HHAT: variants seen among roughly 807,000 people sequenced by gnomAD.
HHAT encodes hedgehog acyltransferase.
Under a neutral mutation model 70.8 loss-of-function variants are expected in HHAT, and 47 were observed. The observed-to-expected ratio is 0.66, with a 90% CI of 0.53 to 0.85. The LOEUF is 0.85. HHAT is among the 40% of genes least tolerant of loss of function. HHAT has a pLI of 0.00. For synonymous variants in HHAT, 228 were observed against 247.6 expected (o/e 0.92, Z 0.74); for missense variants, 609 against 604.8 (o/e 1.01, Z -0.07).
intron 7 of HHAT, among the ~76,000 whole-genome samples, chr1:210,451,447 C>CT (rs1036553294): frequency 6.6e-6 from 1 of 152,112 alleles, no homozygotes; most frequent in Non-Finnish European, 1.5e-5. Context: ...AGAAAGGTGA[C>CT]TTTTTTTCTT....
rs567259637 is a variant in HHAT at position 210,374,043 on chromosome 1, C to A, written c.159+11124C>A. On this transcript the variant is annotated intron_variant, in intron 3 of 11. Transcript: ENST00000261458. Reference sequence around the variant, plus strand: ...GACATGGAAAACAAGAGTTAACTGTCTTTGCAAGTTCTGTTACACAATGTT... The same window carrying A: ...GACATGGAAAACAAGAGTTAACTGTATTTGCAAGTTCTGTTACACAATGTT... 9.8e-5 allele frequency: 15 copies of A among 152,320 alleles called. No homozygotes were observed. In the East Asian group the frequency reaches 2.9e-3, roughly 29 times the overall value. 9.4% of individuals were successfully genotyped at this position (152,320 alleles called of 1,614,324 possible).
intron 9 of HHAT, among the ~76,000 whole-genome samples, chr1:210,527,006 C>G (rs528793460): frequency 6.6e-5 from 10 of 152,132 alleles, no homozygotes; most frequent in African/African-American, 1.7e-4. Flanking sequence ...TTAAATCCCT[C>G]GGAATTTCCT....
chr1:210,379,159 T>C (rs1041833667), intron 3 of HHAT, among the ~76,000 whole-genome samples: 7 of 152,228 alleles, frequency 4.6e-5, no homozygotes, highest in East Asian at 1.9e-4. Context: ...ATCTGACAGC[T>C]TCAGCATCTC....
intron 9 of HHAT, among the ~76,000 whole-genome samples, chr1:210,524,533 A>G (rs1179525850): frequency 3.3e-5 from 5 of 152,170 alleles, no homozygotes; most frequent in Non-Finnish European, 7.3e-5. Flanking sequence ...GCTGGCCAGT[A>G]GAGGAGCAAG....
chr1:210,538,586 A>G (rs1422323267), intron 9 of HHAT, among the ~76,000 whole-genome samples: 1 of 152,216 alleles, frequency 6.6e-6, no homozygotes, highest in Non-Finnish European at 1.5e-5. Context: ...GTGACACTTG[A>G]AAATACTCCT....
chr1:210,672,323 C>T (rs1680252785), intron 11 of HHAT, among the ~76,000 whole-genome samples: 1 of 152,202 alleles, frequency 6.6e-6, no homozygotes, highest in Admixed American at 6.5e-5. Context: ...GGGCTTCCCG[C>T]AGCCTCCTTC....
chr1:210,414,110 G>A (rs2092645832), intron 6 of HHAT, among the ~76,000 whole-genome samples: 1 of 152,232 alleles, frequency 6.6e-6, no homozygotes, highest in Non-Finnish European at 1.5e-5. Context: ...TCCATGATCA[G>A]TGAGTTGGCA....
At position 210,662,532 on chromosome 1, in the gene HHAT, A is replaced by G. The variant is rs550917386; in HGVS notation, c.1391-11756A>G. Among the ~76,000 whole-genome samples the G allele has an allele frequency of 8.5e-5, 13 of 152,338 alleles. No individual in the cohort carries two copies. The East Asian group carries it at 2.3e-3, about 27-fold the overall frequency. The stretch of plus-strand genomic sequence containing the variant: ...AAAACACAGGTTAAAGAAGAGAAAC[A>G]GCTGGGGAAGTGTGTTATGACTGTG... On this transcript the variant is annotated intron_variant, in intron 11 of 11. Transcript: ENST00000261458.
At chr1:210,552,124 C>G (rs2148685136) in intron 9 of HHAT, among the ~76,000 whole-genome samples, 1 of 152,228 alleles carries the variant, frequency 6.6e-6, no homozygotes, top group South Asian at 2.1e-4. Context: ...GGTGACAGCT[C>G]TAACATTTTG....
At chr1:210,420,677 A>T (rs1446586402) in intron 7 of HHAT, among the ~76,000 whole-genome samples, 2 of 73,892 alleles carry the variant, frequency 2.7e-5, no homozygotes, top group Non-Finnish European at 7.6e-5. Flanking sequence ...TAAAAAAACA[A>T]AAAAAAAAAC....
Position 210,674,374 on chromosome 1 carries a change from G to C in HHAT, c.1477G>C (p.Asp493His). The C allele has an allele frequency of 3.1e-6, 5 of 1,613,720 alleles. No homozygotes were observed. Among genetic ancestry groups the C allele is most frequent in the Non-Finnish European group, 4.2e-6 (5 of 1,179,666 alleles). ...GIAWAQTYATD is the reference protein window; with the variant it reads ...GIAWAQTYATH ...TGCCTGGGCCCAGACCTACGCCACGGACTAATGCTGTTGGGCCCAGGCCAG... is the reference window on the plus strand; with the variant it reads ...TGCCTGGGCCCAGACCTACGCCACGCACTAATGCTGTTGGGCCCAGGCCAG... Residue 493 changes from aspartate to histidine, a missense_variant, in exon 12 of 12, where the codon GAC becomes CAC. By Grantham distance (81) the Asp-to-His change is moderately conservative (BLOSUM62 -1). Transcript: ENST00000261458.
At chr1:210,627,072 A>G (rs1669966068) in intron 11 of HHAT, among the ~76,000 whole-genome samples, 1 of 152,160 alleles carries the variant, frequency 6.6e-6, no homozygotes, top group Non-Finnish European at 1.5e-5. Context: ...TTCCAGGTTT[A>G]AGGGAAAGGT....
chr1:210,666,070 C>T (rs1678820382), intron 11 of HHAT, among the ~76,000 whole-genome samples: 1 of 152,196 alleles, frequency 6.6e-6, no homozygotes, highest in Non-Finnish European at 1.5e-5. Context: ...TGCTGGCCAT[C>T]AGCCATTGTC....
chr1:210,397,861 T>C (rs898993204), intron 4 of HHAT, among the ~76,000 whole-genome samples: 7 of 152,340 alleles, frequency 4.6e-5, no homozygotes, highest in East Asian at 1.9e-4. Flanking sequence ...GATCTAGGTA[T>C]GTGCATGGGA....
rs959039342 is a variant in HHAT at position 210,635,582 on chromosome 1, G to A, written c.1390+11912G>A. The stretch of plus-strand genomic sequence containing the variant: ...CGCGCATCAAAGGACAGAAAAGATG[G>A]AAGAAGAAATCTTCAGAGTTCTCCC... On this transcript the variant is annotated intron_variant, in intron 11 of 11. Transcript: ENST00000261458. Among the ~76,000 whole-genome samples the A allele has an allele frequency of 1.6e-4, 24 of 152,188 alleles. 1 individual carries two copies. Among genetic ancestry groups the A allele is most frequent in the South Asian group, 2.1e-4 (1 of 4,830 alleles).
intron 9 of HHAT, among the ~76,000 whole-genome samples, chr1:210,537,811 G>A (rs965961120): frequency 2.6e-5 from 4 of 152,136 alleles, no homozygotes; most frequent in African/African-American, 9.7e-5. Context: ...AGGAGAAACA[G>A]AACAAAGTGA....
At chr1:210,448,004 G>T (rs922352979) in intron 7 of HHAT, among the ~76,000 whole-genome samples, 1 of 152,086 alleles carries the variant, frequency 6.6e-6, no homozygotes, top group Non-Finnish European at 1.5e-5. Context: ...CTCGATCAGG[G>T]ACTCCCACTC....
In HHAT at chr1:210,439,245, T is replaced by G. The variant is rs565342432; in HGVS notation, c.856+20920T>G. On this transcript the variant is annotated intron_variant, in intron 7 of 11. Coordinates refer to ENST00000261458, the MANE Select transcript of HHAT (RefSeq NM_018194.6). ...AATTCTCAGTGAAGGGAGTGTCTTC[T>G]GAGCTCTCTTGGGGGCATAATTAGG... Among the ~76,000 whole-genome samples, 41 of 151,988 alleles carry G rather than the reference T, an allele frequency of 2.7e-4. 1 individual carries two copies. The highest frequency in any genetic ancestry group is 3.4e-3 in the Middle Eastern group (1 of 294).
At chr1:210,351,760 T>G (rs1157525115) in intron 2 of HHAT, among the ~76,000 whole-genome samples, 1 of 152,210 alleles carries the variant, frequency 6.6e-6, no homozygotes, top group African/African-American at 2.4e-5. Context: ...TGGCTTCATG[T>G]GGCTTACATT....
Sources: allele counts gnomAD v4.1 joint callset (sites outside exome capture counted in the v4.1 genomes callset), GRCh38; gene constraint gnomAD v4.1.1; transcripts MANE v1.5; gene names NCBI Gene and HGNC (gene_info 2026-07-23, HGNC 2026-07-21).